KDM5C: variants seen among roughly 807,000 people sequenced by gnomAD.
The protein encoded by KDM5C is lysine-specific demethylase 5C.
KDM5C carries 16 observed loss-of-function variants against 110.6 expected under a neutral mutation model. That is an observed-to-expected ratio of 0.14 (90% CI 0.10 to 0.22). The LOEUF (loss-of-function observed/expected upper bound fraction) is 0.22, where lower values mean the gene tolerates loss of function less well. Ranked by LOEUF, KDM5C falls within the 10% of genes least tolerant of loss-of-function variation. KDM5C has a pLI of 1.00. For missense variants in KDM5C, 681 were observed against 1,300.9 expected (o/e 0.52, Z 7.33); for synonymous variants, 511 against 520.4 (o/e 0.98, Z 0.24).
In KDM5C at chrX:53,218,335, A is replaced by C. The variant is rs782044300; in HGVS notation, c.292T>G (p.Ser98Ala). 2 of 1,207,889 alleles carry C rather than the reference A, an allele frequency of 1.7e-6. No individual in the cohort carries two copies. Among genetic ancestry groups the C allele is most frequent in the South Asian group, 1.8e-5 (1 of 56,775 alleles). ...TCTACATTGGGAATCTTTAAGGAGG[A>C]GCCCTGGATTTCCCAGAATTTGGCA... ...QIAKFWEIQG[S>A]SLKIPNVERR... is the part of the protein sequence containing the mutation. Residue 98 changes from serine (S) to alanine (A), a missense_variant, in exon 3 of 26, where the codon TCC becomes GCC. Physicochemically the swap from Ser to Ala is moderately conservative, Grantham distance 99. Coordinates refer to ENST00000375401, the MANE Select transcript of KDM5C (RefSeq NM_004187.5).
intron 25 of KDM5C, among the ~76,000 whole-genome samples, chrX:53,179,573 T>C (rs1933978626): frequency 9.0e-6 from 1 of 111,073 alleles, no homozygotes; most frequent in African/African-American, 3.3e-5. Context: ...GAGTTTGAGA[T>C]GAGCCTGGGC....
chrX:53,197,946 G>A (rs1556838909), intron 17 of KDM5C, 70 bp from the exon 18 acceptor site: 4 of 825,398 alleles, frequency 4.8e-6, no homozygotes, highest in Non-Finnish European at 7.1e-6. Flanking sequence ...TGCTAAGACT[G>A]AACACCTTTC....
intron 12 of KDM5C, among the ~76,000 whole-genome samples, chrX:53,203,944 G>A (rs1489906781): frequency 9.0e-6 from 1 of 111,053 alleles, no homozygotes; most frequent in African/African-American, 3.3e-5. Context: ...TAGTAGAGAC[G>A]GGGTTTTGTC....
In KDM5C at chrX:53,197,635, C is replaced by T. The variant is rs1307586036; in HGVS notation, c.2622+136G>A. On this transcript the variant is annotated intron_variant, in intron 18 of 25. Coordinates refer to ENST00000375401, the MANE Select transcript of KDM5C (RefSeq NM_004187.5). ...AAGTCACTAGACCCTTGCCTCACCC[C>T]TCCCACCTGTTCTTTTCTCACACGT... is the stretch of plus-strand genomic sequence containing the variant. The T allele has an allele frequency of 7.0e-5, 38 of 541,165 alleles. No homozygotes were observed. The South Asian group carries it at 9.1e-4, about 13-fold the overall frequency. 44.6% of individuals were successfully genotyped at this position (541,165 alleles called of 1,213,427 possible).
At position 53,194,633 on chromosome X, in the gene KDM5C, A is replaced by C. The variant is rs201249806; in HGVS notation, c.3544T>G (p.Ser1182Ala). 2.5e-6 allele frequency: 3 copies of C among 1,210,436 alleles called. No homozygotes were observed. Among genetic ancestry groups the C allele is most frequent in the Non-Finnish European group, 3.4e-6 (3 of 895,248 alleles). Residue 1182 changes from serine (S) to alanine (A), a missense_variant, in exon 23 of 26, where the codon TCC becomes GCC. Around this residue, in one of 14 missense-constraint regions of KDM5C, gnomAD observed 48 missense variants for 59.7 expected, o/e 0.80. Transcript: ENST00000375401. ...PSPLASSSTA[S>A]STTSICVCGQ... ...CACACACAGATAGAGGTTGTAGAGG[A>C]GGCCGTGCTCGATGATGCCAGTGGA...
rs781785252 is a variant in KDM5C at position 53,196,839 on chromosome X, C to T, written c.2828G>A (p.Arg943Gln). Reference protein sequence around the residue: ...EVKRTLAPSARRGTLAVMRGL... With the variant: ...EVKRTLAPSAQRGTLAVMRGL... ...TCGCATGACAGCCAAGGTGCCCCTT[C>T]GGGCTGAGGGGGCCAGTGTGCGTTT... The change falls in exon 19 of 26, where the codon CGA becomes CAA. Residue 943 changes from arginine (R) to glutamine (Q), a missense_variant. Arg to Gln is a conservative substitution (Grantham distance 43). Around this residue, in one of 14 missense-constraint regions of KDM5C, gnomAD observed 123 missense variants for 169.0 expected, o/e 0.73. Transcript: ENST00000375401. 1.5e-5 allele frequency: 18 copies of T among 1,208,426 alleles called. No homozygotes were observed. The highest frequency in any genetic ancestry group is 1.2e-4 in the African/African-American group (7 of 57,618).
At chrX:53,197,414 T>C (rs1210790058) in intron 18 of KDM5C, among the ~76,000 whole-genome samples, 1 of 111,296 alleles carries the variant, frequency 9.0e-6, no homozygotes, top group Non-Finnish European at 1.9e-5. Context: ...ACCCTTGTGC[T>C]CACCACCCTG....
chrX:53,225,055 G>A lies in KDM5C; in HGVS notation c.-166C>T. ...GGGGCGTGTGGCCGTCGTGCTCTGAGAGTCTCAGGCTGACTCTACTGCTAC... is the reference window on the plus strand; with the variant it reads ...GGGGCGTGTGGCCGTCGTGCTCTGAAAGTCTCAGGCTGACTCTACTGCTAC... On this transcript the variant is annotated 5_prime_UTR_variant, in exon 1 of 26. Transcript: ENST00000375401. 1.8e-6 allele frequency: 1 copy of A among 565,980 alleles called. No homozygotes were observed. The highest frequency in any genetic ancestry group is 2.7e-6 in the Non-Finnish European group (1 of 369,836). The allele number at this position is 565,980 out of a possible 1,213,427, so 46.6% of individuals were successfully genotyped here.
chrX:53,211,478 C>T lies in KDM5C; in HGVS notation c.1401+19G>A, dbSNP rs782266348. 2.5e-6 allele frequency: 3 copies of T among 1,208,484 alleles called. No homozygotes were observed. The highest frequency in any genetic ancestry group is 3.4e-6 in the Non-Finnish European group (3 of 892,665). On this transcript the variant is annotated intron_variant, in intron 10 of 25. Coordinates refer to ENST00000375401, the MANE Select transcript of KDM5C (RefSeq NM_004187.5). ...CTAAGCTCACACAGCTGACACGTAACCATGAATCATCCACTCACCTCCTCT... is the reference window on the plus strand; with the variant it reads ...CTAAGCTCACACAGCTGACACGTAATCATGAATCATCCACTCACCTCCTCT...
rs868931510 is a variant in KDM5C, at chrX:53,222,765, C to G, written c.151-1849G>C. 4.5e-5 allele frequency among the ~76,000 whole-genome samples: 5 copies of G among 111,537 alleles called. No homozygotes were observed. The Middle Eastern group carries it at 0.018, about 407-fold the overall frequency. On this transcript the variant is annotated intron_variant, in intron 1 of 25. Coordinates refer to ENST00000375401, the MANE Select transcript of KDM5C (RefSeq NM_004187.5). Reference sequence around the variant, plus strand: ...CCTTCCAAACTCCACTGGGTCTACTCAGGGTACCCACACTCTCCTCCCACC... The same window carrying G: ...CCTTCCAAACTCCACTGGGTCTACTGAGGGTACCCACACTCTCCTCCCACC...
chrX:53,199,381 T>C (rs1347413404), intron 14 of KDM5C, among the ~76,000 whole-genome samples: 3 of 111,583 alleles, frequency 2.7e-5, no homozygotes, highest in Non-Finnish European at 3.8e-5. Context: ...CTGAGTCAGA[T>C]AATTTTATAG....
rs782378981 is a variant in KDM5C at position 53,192,788 on chromosome X, G to A, written c.*179C>T. 1.7e-6 allele frequency: 2 copies of A among 1,149,844 alleles called. No homozygotes were observed. The highest frequency in any genetic ancestry group is 3.7e-5 in the African/African-American group (2 of 53,839). The allele number at this position is 1,149,844 out of a possible 1,213,427, so 94.8% of individuals were successfully genotyped here. The stretch of plus-strand genomic sequence containing the variant: ...CCAGGGGCCGGCCCCCAGGAGCTGA[G>A]GTCTGAACAATACCTTGGAGTCAGA... On this transcript the variant is annotated 3_prime_UTR_variant, in exon 26 of 26. Coordinates refer to ENST00000375401, the MANE Select transcript of KDM5C (RefSeq NM_004187.5).
chrX:53,198,389 A>T, intron 17 of KDM5C, 101 bp downstream of exon 17: 1 of 1,032,318 alleles, frequency 9.7e-7, no homozygotes. Flanking sequence ...GCTGATGTCC[A>T]TTCTGCCAAA....
chrX:53,193,392 T>A (rs1292319573), intron 25 of KDM5C, 45 bp downstream of exon 25: 3 of 1,208,992 alleles, frequency 2.5e-6, no homozygotes, highest in Non-Finnish European at 3.4e-6. Flanking sequence ...CTGGGCTCCC[T>A]ACTCGGCCTG....
rs868963980 is a variant in KDM5C at position 53,196,972 on chromosome X, C to A, written c.2695G>T (p.Gly899Trp). The change falls in exon 19 of 26, where the codon GGG becomes TGG. Residue 899 changes from glycine (G) to tryptophan (W), a missense_variant. By Grantham distance (184) the Gly-to-Trp change is radical. This residue lies in a region of KDM5C where 123 missense variants were observed against 169.0 expected (regional missense o/e 0.73). Transcript: ENST00000375401. ...CTCTCCAACAGGGACTGCAGTAGCC[C>A]TGGACTGGAGGGCAGTGAGGCCAGG... is the stretch of plus-strand genomic sequence containing the variant. ...EALASLPSSP[G>W]LLQSLLERGR... 1 of 1,194,759 alleles carries A rather than the reference C, an allele frequency of 8.4e-7. No individual in the cohort carries two copies. Among genetic ancestry groups the A allele is most frequent in the Non-Finnish European group, 1.1e-6 (1 of 886,909 alleles).
At chrX:53,194,031 G>A (rs1934628592) in intron 23 of KDM5C, 108 bp downstream of exon 23, 3 of 1,064,324 alleles carry the variant, frequency 2.8e-6, no homozygotes, top group East Asian at 6.6e-5. Context: ...AGGAAGGCTG[G>A]TCCAAAGAAA....
At position 53,216,141 on chromosome X, in the gene KDM5C, G is replaced by T; in HGVS notation, c.714C>A (p.Ile238=). The change falls in exon 6 of 26, where the codon ATC becomes ATA. Residue 238 remains isoleucine, a synonymous_variant. Transcript: ENST00000375401. ...CCATCATCTTGGGGCCTGCCCCATAGATCTGTAGCTTTTTCAGCTCTGGAT... is the reference window on the plus strand; with the variant it reads ...CCATCATCTTGGGGCCTGCCCCATATATCTGTAGCTTTTTCAGCTCTGGAT... ...EKNPELKKLQ[I]YGAGPKMMGL... 8.3e-7 allele frequency: 1 copy of T among 1,212,000 alleles called. No individual in the cohort carries two copies. The highest frequency in any genetic ancestry group is 1.1e-6 in the Non-Finnish European group (1 of 895,186).
Position 53,193,845 on chromosome X carries a change from C to A in KDM5C, c.4045G>T (p.Gly1349Cys), listed in dbSNP as rs145653335. Residue 1349 changes from glycine to cysteine, a missense_variant, in exon 24 of 26, where the codon GGC becomes TGC. Around this residue, in one of 14 missense-constraint regions of KDM5C, gnomAD observed 88 missense variants for 85.6 expected, o/e 1.03. Coordinates refer to ENST00000375401, the MANE Select transcript of KDM5C (RefSeq NM_004187.5). Reference sequence around the variant, plus strand: ...ACACTGTCTCCATTCTCCAGTAAGCCCTGGACCTGCGGAGGAGAGCAAGAA... The same window carrying A: ...ACACTGTCTCCATTCTCCAGTAAGCACTGGACCTGCGGAGGAGAGCAAGAA... ...GSGKDMPKVQ[G>C]LLENGDSVTS... 1 of 1,207,462 alleles carries A rather than the reference C, an allele frequency of 8.3e-7. No individual in the cohort carries two copies. The highest frequency in any genetic ancestry group is 1.1e-6 in the Non-Finnish European group (1 of 893,135).
Position 53,201,707 on chromosome X carries a change from C to T in KDM5C, c.1904G>A (p.Arg635Gln), listed in dbSNP as rs2146866535. 3 of 1,211,945 alleles carry T rather than the reference C, an allele frequency of 2.5e-6. No homozygotes were observed. Among genetic ancestry groups the T allele is most frequent in the Non-Finnish European group, 3.4e-6 (3 of 895,517 alleles). Residue 635 changes from arginine (R) to glutamine (Q), a missense_variant, in exon 14 of 26, where the codon CGG (arginine) becomes CAG (glutamine). Physicochemically the swap from Arg to Gln is conservative, Grantham distance 43. Coordinates refer to ENST00000375401, the MANE Select transcript of KDM5C (RefSeq NM_004187.5). ...GGAGAAGACGCAGTATCTCCGGAGC[C>T]GGCGGTAGTGCTCAATGCACTGGCG... Reference protein sequence around the residue: ...AGRQCIEHYRRLRRYCVFSHE... With the variant: ...AGRQCIEHYRQLRRYCVFSHE...
Sources: gnomAD v4.1 joint callset for allele counts (sites outside exome capture counted in the v4.1 genomes callset) on GRCh38, gnomAD v4.1.1 for gene constraint, gnomAD v4.1.1 regional missense constraint, MANE v1.5 for transcripts, NCBI Gene and HGNC (gene_info 2026-07-23, HGNC 2026-07-21) for gene names.